AOPEP: variants seen among roughly 807,000 people sequenced by gnomAD.
The protein encoded by AOPEP is aminopeptidase O.
In AOPEP, 77 loss-of-function variants were observed where a neutral mutation model predicts 98.1. The ratio of observed to expected loss-of-function variants is 0.78; its 90% CI spans 0.65 to 0.95. The LOEUF is 0.95. Among genes scored for constraint, AOPEP ranks in the 40% least tolerant of loss-of-function variants. AOPEP has a pLI of 0.00. For missense variants in AOPEP, 1,024 were observed against 1,024.7 expected (o/e 1.00, Z 0.01); for synonymous variants, 346 against 365.3 (o/e 0.95, Z 0.60).
At chr9:94,865,432 A>G (rs188554078) in intron 5 of AOPEP, among the ~76,000 whole-genome samples, 1 of 152,324 alleles carries the variant, frequency 6.6e-6, no homozygotes, top group East Asian at 1.9e-4. Flanking sequence ...CTTCAAACGA[A>G]CTGATTTCTG....
intron 5 of AOPEP, among the ~76,000 whole-genome samples, chr9:94,844,324 A>G (rs55914113): frequency 0.77 from 117,720 of 152,100 alleles, 47,299 homozygotes; most frequent in Non-Finnish European, 0.89. Context: ...CTTTTAAGAA[A>G]AAAAGGCAAA....
the AOPEP span, among the ~76,000 whole-genome samples, chr9:95,131,379 C>A: frequency 6.6e-6 from 1 of 152,234 alleles, no homozygotes; most frequent in African/African-American, 2.4e-5. Flanking sequence ...GTGGCAATGA[C>A]CCCTACGTCC....
intron 5 of AOPEP, among the ~76,000 whole-genome samples, chr9:94,861,504 T>C (rs923017708): frequency 2.0e-5 from 3 of 152,126 alleles, no homozygotes; most frequent in Admixed American, 2.0e-4. Flanking sequence ...AATTTACAGA[T>C]TAAGCAACCA....
At chr9:94,799,197 C>A (rs1283152680) in intron 4 of AOPEP, among the ~76,000 whole-genome samples, 1 of 152,076 alleles carries the variant, frequency 6.6e-6, no homozygotes, top group Non-Finnish European at 1.5e-5. Flanking sequence ...TGCATTCTGC[C>A]CATATTGGGA....
chr9:94,798,657 C>G (rs562720032), intron 4 of AOPEP, among the ~76,000 whole-genome samples: 1 of 152,296 alleles, frequency 6.6e-6, no homozygotes, highest in South Asian at 2.1e-4. Flanking sequence ...GATGCCTGCA[C>G]ACTCCAGTTT....
At chr9:94,934,541 A>G (rs796715746) in intron 7 of AOPEP, 1 of 151,188 alleles carries the variant, frequency 6.6e-6, no homozygotes, top group African/African-American at 2.4e-5. Flanking sequence ...TTATCAAAAC[A>G]CTTCTTGTCT....
In AOPEP at chr9:95,028,971, C is replaced by T. The variant is rs61323049; in HGVS notation, c.2115+23355C>T. 6.2e-4 allele frequency among the ~76,000 whole-genome samples: 94 copies of T among 152,322 alleles called. No individual in the cohort carries two copies. The East Asian group carries it at 0.017, about 28-fold the overall frequency. On this transcript the variant is annotated intron_variant, in intron 13 of 16. Transcript: ENST00000375315. ...TGGTCCATATTACTGAGATACTAGC[C>T]TAGTGTGTCTGGAAGGCAGCGCCAG... is the stretch of plus-strand genomic sequence containing the variant.
At chr9:94,733,105 CTT>C (rs537104658) in intron 1 of AOPEP, among the ~76,000 whole-genome samples, 12 of 128,912 alleles carry the variant, frequency 9.3e-5, no homozygotes, top group Non-Finnish European at 6.5e-5. Flanking sequence ...TTTTCTTTCT[CTT>C]TTTTTTTTTT....
chr9:95,101,734 G>C, the AOPEP span: 4 of 1,614,078 alleles, frequency 2.5e-6, no homozygotes, highest in Non-Finnish European at 3.4e-6. Context: ...GCTCTTTAAG[G>C]AGCTCTCGGG....
intron 14 of AOPEP, among the ~76,000 whole-genome samples, chr9:95,068,119 A>C (rs758472452): frequency 6.6e-6 from 1 of 152,196 alleles, no homozygotes; most frequent in Non-Finnish European, 1.5e-5. Flanking sequence ...ACTTTTAACT[A>C]TTGTGAATAA....
intron 1 of AOPEP, among the ~76,000 whole-genome samples, chr9:94,749,769 T>C (rs1442244815): frequency 6.6e-6 from 1 of 152,246 alleles, no homozygotes; most frequent in Non-Finnish European, 1.5e-5. Flanking sequence ...AGTTCATGTA[T>C]TACAGCATTT....
chr9:94,883,928 A>G (rs577306300), intron 5 of AOPEP, among the ~76,000 whole-genome samples: 96 of 152,280 alleles, frequency 6.3e-4, no homozygotes, highest in African/African-American at 2.2e-3. Context: ...ATCCCCGTCA[A>G]TATTCTGAAA....
intron 5 of AOPEP, among the ~76,000 whole-genome samples, chr9:94,891,117 C>T (rs1230642623): frequency 1.3e-5 from 2 of 152,186 alleles, no homozygotes; most frequent in Non-Finnish European, 2.9e-5. Context: ...TACTTTTAAG[C>T]TCTTGTTTAG....
intron 5 of AOPEP, among the ~76,000 whole-genome samples, chr9:94,816,126 T>C (rs1851651868): frequency 6.6e-6 from 1 of 152,184 alleles, no homozygotes; most frequent in African/African-American, 2.4e-5. Context: ...ACAGCCTTAG[T>C]GTACATTTTT....
chr9:95,114,521 G>C, the AOPEP span: 1 of 985,566 alleles, frequency 1.0e-6, no homozygotes, highest in Non-Finnish European at 1.6e-6. Context: ...GTTTGGTGAT[G>C]GTCCCAGACC....
chr9:94,835,307 G>A (rs566339688), intron 5 of AOPEP, among the ~76,000 whole-genome samples: 30 of 152,152 alleles, frequency 2.0e-4, no homozygotes, highest in Non-Finnish European at 3.1e-4. Context: ...TCTGTACTAA[G>A]GATAGATGTG....
intron 4 of AOPEP, among the ~76,000 whole-genome samples, chr9:94,798,350 T>C (rs1169035500): frequency 2.0e-5 from 3 of 152,206 alleles, no homozygotes; most frequent in Non-Finnish European, 4.4e-5. Flanking sequence ...GTGCCTTTTA[T>C]GCCCAGAGAG....
At chr9:94,744,701 C>CA (rs757571360) in intron 1 of AOPEP, among the ~76,000 whole-genome samples, 2,429 of 54,900 alleles carry the variant, frequency 0.044, 138 homozygotes, top group African/African-American at 0.11. Context: ...GACTCTGTCT[C>CA]AAAAAAAAAA....
At chr9:94,974,499 G>T (rs1030730637) in intron 10 of AOPEP, among the ~76,000 whole-genome samples, 1 of 152,204 alleles carries the variant, frequency 6.6e-6, no homozygotes, top group Non-Finnish European at 1.5e-5. Flanking sequence ...GAAAACACAC[G>T]TTCTCTTCAT....
Sources: allele counts gnomAD v4.1 joint callset (sites outside exome capture counted in the v4.1 genomes callset), GRCh38; gene constraint gnomAD v4.1.1; transcripts MANE v1.5; gene names NCBI Gene and HGNC (gene_info 2026-07-23, HGNC 2026-07-21).